FGFR3: variants seen among roughly 807,000 people sequenced by gnomAD.
The protein encoded by FGFR3 is fibroblast growth factor receptor 3.
FGFR3 carries 25 observed loss-of-function variants against 82.9 expected under a neutral mutation model. That is an observed-to-expected ratio of 0.30 (90% confidence interval 0.22 to 0.42). The LOEUF (loss-of-function observed/expected upper bound fraction) is 0.42. Among genes scored for constraint, FGFR3 ranks in the 10% least tolerant of loss-of-function variants. The probability of loss-of-function intolerance (pLI) is 1.00; values close to 1 mark genes in which losing one functional copy is unlikely to be tolerated. For synonymous variants in FGFR3, 620 were observed against 516.0 expected (o/e 1.20, Z -2.73); for missense variants, 1,026 against 1,161.0 (o/e 0.88, Z 1.69).
At chr4:1,798,735 G>A (rs1469780603) in intron 2 of FGFR3, among the ~76,000 whole-genome samples, 1 of 152,102 alleles carries the variant, frequency 6.6e-6, no homozygotes, top group Non-Finnish European at 1.5e-5. Flanking sequence ...CCCCTCCTGG[G>A]GTGAATCTGC....
rs77722678 is a variant in FGFR3, at chr4:1,805,643, A to C, written c.1619A>C (p.Asn540Thr). 6.2e-7 allele frequency: 1 copy of C among 1,613,214 alleles called. No homozygotes were observed. Among genetic ancestry groups the C allele is most frequent in the Non-Finnish European group, 8.5e-7 (1 of 1,179,746 alleles). The change falls in exon 12 of 18, where the codon AAC becomes ACC. Residue 540 changes from asparagine to threonine, a missense_variant. This residue lies in a region of FGFR3 where 164 missense variants were observed against 167.5 expected (regional missense o/e 0.98). Transcript: ENST00000440486. ...ATCGGGAAACACAAAAACATCATCA[A>C]CCTGCTGGGCGCCTGCACGCAGGGC... ...KMIGKHKNII[N>T]LLGACTQGGP...
Position 1,799,479 on chromosome 4 carries a change from G to C in FGFR3, c.335G>C (p.Arg112Pro). 1 of 1,583,986 alleles carries C rather than the reference G, an allele frequency of 6.3e-7. No individual in the cohort carries two copies. The highest frequency in any genetic ancestry group is 8.6e-7 in the Non-Finnish European group (1 of 1,165,906). ...EDSGAYSCRQ[R>P]LTQRVLCHFS... ...TCCGGGGCCTACAGCTGCCGGCAGC[G>C]GCTCACGCAGCGCGTACTGTGCCAC... is the stretch of plus-strand genomic sequence containing the variant. The change falls in exon 3 of 18, where the codon CGG becomes CCG. Residue 112 changes from arginine (R) to proline (P), a missense_variant. Transcript: ENST00000440486.
chr4:1,805,020 G>T lies in FGFR3; in HGVS notation c.1412+51G>T, dbSNP rs376224257. On this transcript the variant is annotated intron_variant, in intron 10 of 17. Coordinates refer to ENST00000440486, the MANE Select transcript of FGFR3 (RefSeq NM_000142.5). ...GGCTGTAGGGGGCTTGGTGGTGGGG[G>T]TGAAACAGCCACCAGTCAGAGGCCC... 2.2e-4 allele frequency: 328 copies of T among 1,509,052 alleles called. No individual in the cohort carries two copies. In the African/African-American group the frequency reaches 4.1e-3, roughly 19 times the overall value. The allele number at this position is 1,509,052 out of a possible 1,614,324, so 93.5% of individuals were successfully genotyped here.
intron 2 of FGFR3, among the ~76,000 whole-genome samples, chr4:1,794,863 C>T (rs777455057): frequency 1.5e-4 from 22 of 151,618 alleles, no homozygotes; most frequent in Non-Finnish European, 3.2e-4. Flanking sequence ...CCGGCGGCCG[C>T]GCGGAGGGAG....
chr4:1,805,881 G>C lies in FGFR3; in HGVS notation c.1777G>C (p.Asp593His), dbSNP rs1032127585. The change falls in exon 13 of 18, where the codon GAC (aspartate) becomes CAC (histidine). Residue 593 changes from aspartate (D) to histidine (H), a missense_variant. This residue lies in a region of FGFR3 where 164 missense variants were observed against 167.5 expected (regional missense o/e 0.98). Coordinates refer to ENST00000440486, the MANE Select transcript of FGFR3 (RefSeq NM_000142.5). Reference protein sequence around the residue: ...KPPEEQLTFKDLVSCAYQVAR... With the variant: ...KPPEEQLTFKHLVSCAYQVAR... ...GCCCGAGGAGCAGCTCACCTTCAAGGACCTGGTGTCCTGTGCCTACCAGGT... is the reference window on the plus strand; with the variant it reads ...GCCCGAGGAGCAGCTCACCTTCAAGCACCTGGTGTCCTGTGCCTACCAGGT... 1.2e-6 allele frequency: 2 copies of C among 1,612,822 alleles called. No homozygotes were observed. The highest frequency in any genetic ancestry group is 8.5e-7 in the Non-Finnish European group (1 of 1,179,862).
chr4:1,793,926 G>T lies in FGFR3; in HGVS notation c.-9G>T, dbSNP rs894568645. 7.9e-7 allele frequency: 1 copy of T among 1,261,732 alleles called. No individual in the cohort carries two copies. The highest frequency in any genetic ancestry group is 1.0e-6 in the Non-Finnish European group (1 of 987,252). 78.2% of individuals were successfully genotyped at this position (1,261,732 alleles called of 1,614,324 possible). A position where few individuals can be genotyped will look rare whatever the true frequency, so the allele number is the denominator to read the frequency against. On this transcript the variant is annotated 5_prime_UTR_variant, in exon 2 of 18. Coordinates refer to ENST00000440486, the MANE Select transcript of FGFR3 (RefSeq NM_000142.5). ...GCTGCCTGAGGACGCCGCGGCCCCCGCCCCCGCCATGGGCGCCCCTGCCTG... is the reference window on the plus strand; with the variant it reads ...GCTGCCTGAGGACGCCGCGGCCCCCTCCCCCGCCATGGGCGCCCCTGCCTG...
Position 1,801,838 on chromosome 4 carries a change from G to A in FGFR3, c.743G>A (p.Arg248His), listed in dbSNP as rs2108783256. The stretch of plus-strand genomic sequence containing the variant: ...TGAGCGTCATCTGCCCCCACAGAGC[G>A]CTCCCCGCACCGGCCCATCCTGCAG... Reference protein sequence around the residue: ...RQTYTLDVLERSPHRPILQAG... With the variant: ...RQTYTLDVLEHSPHRPILQAG... Residue 248 changes from arginine to histidine, a missense_variant, in exon 7 of 18, where the codon CGC (arginine) becomes CAC (histidine). Physicochemically the swap from Arg to His is conservative, Grantham distance 29 (BLOSUM62 0). Around this residue, in one of 9 missense-constraint regions of FGFR3, gnomAD observed 147 missense variants for 228.1 expected, o/e 0.64. Transcript: ENST00000440486. 2 of 1,605,844 alleles carry A rather than the reference G, an allele frequency of 1.2e-6. No individual in the cohort carries two copies. The highest frequency in any genetic ancestry group is 1.7e-6 in the Non-Finnish European group (2 of 1,175,530).
chr4:1,803,537 C>T (rs1721469977), intron 7 of FGFR3, among the ~76,000 whole-genome samples, 155 bp from the exon 8 acceptor site: 1 of 152,260 alleles, frequency 6.6e-6, no homozygotes, highest in Non-Finnish European at 1.5e-5. Context: ...AGGCGGAGGG[C>T]CCTCAGCCGC....
rs1434941232 is a variant in FGFR3 at position 1,805,092 on chromosome 4, C to T, written c.1412+123C>T. On this transcript the variant is annotated intron_variant, in intron 10 of 17. Transcript: ENST00000440486. ...GGGATGTGGCGGATGTTGGGTGTGGCTGGGGTTCTGTGGAGATGCTCCTGG... is the reference window on the plus strand; with the variant it reads ...GGGATGTGGCGGATGTTGGGTGTGGTTGGGGTTCTGTGGAGATGCTCCTGG... 14 of 1,401,394 alleles carry T rather than the reference C, an allele frequency of 1.0e-5. No homozygotes were observed. In the Admixed American group the frequency reaches 2.5e-4, roughly 25 times the overall value. 86.8% of individuals were successfully genotyped at this position (1,401,394 alleles called of 1,614,324 possible). A position where few individuals can be genotyped will look rare whatever the true frequency, so the allele number is the denominator to read the frequency against.
intron 3 of FGFR3, 83 bp from the exon 4 acceptor site, chr4:1,799,664 G>A: frequency 4.4e-6 from 7 of 1,580,782 alleles, no homozygotes; most frequent in Non-Finnish European, 6.0e-6. Flanking sequence ...GCCCAAATGG[G>A]GGACCCTGCC....
chr4:1,807,096 A>G lies in FGFR3; in HGVS notation c.2275-20A>G. On this transcript the variant is annotated intron_variant, in intron 17 of 17. Transcript: ENST00000440486. ...AGAGGGGCTCGGTGGCACAGCGCTC[A>G]CCCCGCCTCCCGCCAGCAGGAGTAC... The G allele has an allele frequency of 6.4e-7, 1 of 1,559,580 alleles. No homozygotes were observed. The highest frequency in any genetic ancestry group is 2.4e-5 in the East Asian group (1 of 41,566).
chr4:1,801,237 C>T (rs896845813), intron 4 of FGFR3, 130 bp from the exon 5 acceptor site: 1 of 1,061,014 alleles, frequency 9.4e-7, no homozygotes. Flanking sequence ...GAACCTCATC[C>T]CGCCCTCTTC....
Position 1,805,984 on chromosome 4 carries a change from C to T in FGFR3, c.1836+44C>T, listed in dbSNP as rs17878554. 2,198 of 1,610,464 alleles carry T rather than the reference C, an allele frequency of 1.4e-3. 29 individuals carry two copies. In the African/African-American group the frequency reaches 0.026, roughly 19 times the overall value. On this transcript the variant is annotated intron_variant, in intron 13 of 17. Coordinates refer to ENST00000440486, the MANE Select transcript of FGFR3 (RefSeq NM_000142.5). The stretch of plus-strand genomic sequence containing the variant: ...GTGGGTGGAGTAGGCTGGGCCCTGC[C>T]CTGAGATGCTGGGAGCAGCGGGGAG...
At chr4:1,796,935 C>T (rs1560396030) in intron 2 of FGFR3, among the ~76,000 whole-genome samples, 1 of 152,126 alleles carries the variant, frequency 6.6e-6, no homozygotes, top group African/African-American at 2.4e-5. Context: ...TGTGGAGACT[C>T]TGGGACACAG....
rs763868055 is a variant in FGFR3 at position 1,804,538 on chromosome 4, C to A, written c.1266+18C>A. 6 of 1,611,016 alleles carry A rather than the reference C, an allele frequency of 3.7e-6. No homozygotes were observed. Among genetic ancestry groups the A allele is most frequent in the African/African-American group, 2.7e-5 (2 of 75,056 alleles). On this transcript the variant is annotated intron_variant, in intron 9 of 17. Transcript: ENST00000440486. ...AGCGACAGGTAACAGAAAGTAGATA[C>A]CAGGTTCTGAGCTGCCTGCCCGCCA...
rs373292806 is a variant in FGFR3, at chr4:1,799,321, G to A, written c.177G>A (p.Leu59=). The A allele has an allele frequency of 6.2e-7, 1 of 1,612,684 alleles. No individual in the cohort carries two copies. The highest frequency in any genetic ancestry group is 8.5e-7 in the Non-Finnish European group (1 of 1,179,948). ...LVFGSGDAVE[L]SCPPPGGGPM... is the part of the protein sequence containing the mutation. ...TCGGCAGCGGGGATGCTGTGGAGCTGAGCTGTCCCCCGCCCGGGGGTGGTC... is the reference window on the plus strand; with the variant it reads ...TCGGCAGCGGGGATGCTGTGGAGCTAAGCTGTCCCCCGCCCGGGGGTGGTC... Residue 59 remains leucine (L), a synonymous_variant, in exon 3 of 18, where the codon CTG becomes CTA. Transcript: ENST00000440486.
At chr4:1,795,195 A>AC (rs1720340045) in intron 2 of FGFR3, among the ~76,000 whole-genome samples, 8 of 152,142 alleles carry the variant, frequency 5.3e-5, no homozygotes, top group Admixed American at 5.2e-4. Context: ...TCGGGAGGTC[A>AC]GCGCGCGCTT....
rs372308406 is a variant in FGFR3 at position 1,803,672 on chromosome 4, G to A, written c.931-20G>A. On this transcript the variant is annotated intron_variant, in intron 7 of 17. Transcript: ENST00000440486. ...AGGGCGGTGCTGGCGCTCGCCTATC[G>A]CTCTGCTCTCTCTTTGTAGACGGCG... The A allele has an allele frequency of 1.7e-5, 27 of 1,612,050 alleles. No homozygotes were observed. The highest frequency in any genetic ancestry group is 7.7e-5 in the South Asian group (7 of 90,954).
chr4:1,801,332 C>T (rs760363696), intron 4 of FGFR3, 35 bp from the exon 5 acceptor site: 18 of 1,542,226 alleles, frequency 1.2e-5, no homozygotes, highest in East Asian at 4.9e-5. Context: ...TGCTCCCACT[C>T]GGGTCATGGC....
Sources: gnomAD v4.1 joint callset for allele counts (sites outside exome capture counted in the v4.1 genomes callset) on GRCh38, gnomAD v4.1.1 for gene constraint, gnomAD v4.1.1 regional missense constraint, MANE v1.5 for transcripts, NCBI Gene and HGNC (gene_info 2026-07-23, HGNC 2026-07-21) for gene names.